The following PARD3 variants were observed in gnomAD, a reference collection of about 807,000 sequenced individuals.
PARD3 encodes partitioning defective 3 homolog.
In PARD3, 75 loss-of-function variants were observed where a neutral mutation model predicts 155.4. That is an observed-to-expected ratio of 0.48 (90% confidence interval 0.40 to 0.58). The LOEUF (loss-of-function observed/expected upper bound fraction) is 0.58, where lower values mean the gene tolerates loss of function less well. Among genes scored for constraint, PARD3 ranks in the 20% least tolerant of loss-of-function variants. PARD3 has a pLI of 0.00. For missense variants in PARD3, 1,642 were observed against 1,721.7 expected, an observed-to-expected ratio of 0.95 and a Z score of 0.82; for synonymous variants, 576 against 610.5, an observed-to-expected ratio of 0.94 and a Z score of 0.83.
chr10:34,644,126 C>G (rs2092763192), intron 2 of PARD3, among the ~76,000 whole-genome samples: 1 of 152,164 alleles, frequency 6.6e-6, no homozygotes, highest in Non-Finnish European at 1.5e-5. Flanking sequence ...CAATACAACA[C>G]AGAAGAGACT....
intron 1 of PARD3, among the ~76,000 whole-genome samples, chr10:34,760,796 T>C (rs902895538): frequency 5.3e-5 from 8 of 152,124 alleles, no homozygotes; most frequent in African/African-American, 1.9e-4. Flanking sequence ...CTGAATAAGC[T>C]TGGAAGCAGA....
intron 2 of PARD3, among the ~76,000 whole-genome samples, chr10:34,589,237 T>C (rs1024719652): frequency 3.3e-5 from 5 of 152,180 alleles, no homozygotes; most frequent in Admixed American, 2.6e-4. Flanking sequence ...TACCCTTAAA[T>C]TCATTTATCA....
intron 5 of PARD3, among the ~76,000 whole-genome samples, chr10:34,437,919 A>G (rs1056836555): frequency 1.3e-5 from 2 of 152,190 alleles, no homozygotes; most frequent in African/African-American, 2.4e-5. Context: ...ATACTTTTAG[A>G]GCTAATAGAG....
chr10:34,149,824 T>C (rs1948695715), intron 22 of PARD3, among the ~76,000 whole-genome samples: 1 of 152,170 alleles, frequency 6.6e-6, no homozygotes, highest in African/African-American at 2.4e-5. Flanking sequence ...AGATTAAGGA[T>C]TTGATGTTGT....
chr10:34,414,112 C>A (rs1845406322), intron 5 of PARD3, among the ~76,000 whole-genome samples: 1 of 151,748 alleles, frequency 6.6e-6, no homozygotes, highest in African/African-American at 2.4e-5. Context: ...GTGGGAGGAT[C>A]ACTTGAGCCC....
intron 4 of PARD3, among the ~76,000 whole-genome samples, chr10:34,451,202 G>A (rs866245663): frequency 3.3e-5 from 5 of 152,146 alleles, no homozygotes; most frequent in African/African-American, 1.2e-4. Flanking sequence ...TTTGGCTTAT[G>A]AGCTGTAAAA....
chr10:34,302,980 C>T (rs1322165497), intron 20 of PARD3, among the ~76,000 whole-genome samples: 1 of 151,938 alleles, frequency 6.6e-6, no homozygotes, highest in Non-Finnish European at 1.5e-5. Flanking sequence ...ATGTAGTAGG[C>T]ACTCCAGTAA....
intron 8 of PARD3, among the ~76,000 whole-genome samples, chr10:34,383,213 A>G (rs1364129233): frequency 6.6e-6 from 1 of 152,192 alleles, no homozygotes; most frequent in Admixed American, 6.5e-5. Context: ...TTTAAGTATA[A>G]CAAGTATTAT....
chr10:34,152,289 C>T (rs1148242), intron 22 of PARD3, among the ~76,000 whole-genome samples: 35,621 of 152,056 alleles, frequency 0.23, 5,315 homozygotes, highest in Non-Finnish European at 0.32. Context: ...GGTTGTTAGG[C>T]AATATCATCA....
At chr10:34,407,289 G>A (rs1189321818) in intron 5 of PARD3, among the ~76,000 whole-genome samples, 1 of 152,224 alleles carries the variant, frequency 6.6e-6, no homozygotes, top group Non-Finnish European at 1.5e-5. Flanking sequence ...TGACAGTGCA[G>A]GGTGTAAGGC....
chr10:34,562,122 T>C (rs2085529837), intron 2 of PARD3, among the ~76,000 whole-genome samples: 1 of 32,962 alleles, frequency 3.0e-5, no homozygotes, highest in Non-Finnish European at 4.5e-5. Flanking sequence ...CCTGACTGTC[T>C]CAAAAAAAAA....
chr10:34,743,799 T>G (rs2095060040), intron 1 of PARD3, among the ~76,000 whole-genome samples: 1 of 152,164 alleles, frequency 6.6e-6, no homozygotes, highest in African/African-American at 2.4e-5. Context: ...AAAACAGGGT[T>G]GGTCTGAGAG....
chr10:34,653,540 G>A (rs1590423765), intron 2 of PARD3, among the ~76,000 whole-genome samples: 1 of 152,152 alleles, frequency 6.6e-6, no homozygotes, highest in Non-Finnish European at 1.5e-5. Flanking sequence ...TATAGCACGA[G>A]ATACCACATG....
At chr10:34,667,039 A>G (rs968393148) in intron 2 of PARD3, among the ~76,000 whole-genome samples, 13 of 151,850 alleles carry the variant, frequency 8.6e-5, no homozygotes, top group African/African-American at 3.1e-4. Context: ...GTGGTGGCGC[A>G]TGCCTATAAT....
At chr10:34,213,333 A>G (rs1256450360) in intron 22 of PARD3, among the ~76,000 whole-genome samples, 2 of 152,310 alleles carry the variant, frequency 1.3e-5, no homozygotes, top group Admixed American at 1.3e-4. Flanking sequence ...CACCAGAGCA[A>G]GAACTCACCC....
chr10:34,393,532 T>C (rs1015616287), intron 7 of PARD3, among the ~76,000 whole-genome samples: 4 of 151,046 alleles, frequency 2.6e-5, no homozygotes, highest in African/African-American at 9.8e-5. Flanking sequence ...AGTGAGCCAC[T>C]ACTCTCCAGC....
At chr10:34,692,901 A>G (rs2094096674) in intron 2 of PARD3, among the ~76,000 whole-genome samples, 1 of 152,208 alleles carries the variant, frequency 6.6e-6, no homozygotes, top group Non-Finnish European at 1.5e-5. Context: ...GAACAAGAAC[A>G]GACGCTTTTC....
intron 2 of PARD3, among the ~76,000 whole-genome samples, chr10:34,556,170 C>G (rs2084963682): frequency 6.6e-6 from 1 of 152,210 alleles, no homozygotes; most frequent in African/African-American, 2.4e-5. Flanking sequence ...CTTTCTAGTT[C>G]TTGTTTCCCT....
chr10:34,110,944 T>C lies in PARD3; in HGVS notation c.*225A>G, dbSNP rs1014038254. 8.7e-6 allele frequency: 4 copies of C among 461,826 alleles called. No homozygotes were observed. Among genetic ancestry groups the C allele is most frequent in the Non-Finnish European group, 3.8e-6 (1 of 264,022 alleles). The allele number at this position is 461,826 out of a possible 1,614,324, so 28.6% of individuals were successfully genotyped here. ...AGAGCATATGAACACCTCAAACAGA[T>C]GATTGTCACAGGGTGGGAAATCCTT... On this transcript the variant is annotated 3_prime_UTR_variant, in exon 25 of 25. Transcript: ENST00000374788.
Sources: allele counts gnomAD v4.1 joint callset (sites outside exome capture counted in the v4.1 genomes callset), GRCh38; gene constraint gnomAD v4.1.1; transcripts MANE v1.5; gene names NCBI Gene and HGNC (gene_info 2026-07-23, HGNC 2026-07-21).